POU6F2: variants seen among roughly 807,000 people sequenced by gnomAD.
POU6F2 encodes the protein POU class 6 homeobox 2.
In POU6F2, 31 loss-of-function variants were observed where a neutral mutation model predicts 71.3. The observed-to-expected ratio is 0.43, with a 90% CI of 0.33 to 0.59. The LOEUF is 0.59. Among genes scored for constraint, POU6F2 ranks in the 20% least tolerant of loss-of-function variants. The pLI is 0.04. For synonymous variants in POU6F2, 347 were observed against 355.7 expected, an observed-to-expected ratio of 0.98 and a Z score of 0.27; for missense variants, 783 against 856.8, an observed-to-expected ratio of 0.91 and a Z score of 1.07.
intron 2 of POU6F2, among the ~76,000 whole-genome samples, chr7:39,094,003 T>G (rs1197707905): frequency 1.3e-5 from 2 of 152,136 alleles, no homozygotes; most frequent in African/African-American, 2.4e-5. Flanking sequence ...ATAATAAGCT[T>G]TCTTTTAGTT....
At chr7:39,005,506 G>GTGTGTGTGTGTGTGTGTGTGTC (rs1051897604) in intron 1 of POU6F2, among the ~76,000 whole-genome samples, 2 of 151,718 alleles carry the variant, frequency 1.3e-5, no homozygotes, top group Non-Finnish European at 2.9e-5. Flanking sequence ...GTGTGTGTGT[G>GTGTGTGTGTGTGTGTGTGTGTC]TGTGTGTGTT....
chr7:39,037,205 T>C (rs1158996691), intron 1 of POU6F2, among the ~76,000 whole-genome samples: 1 of 152,046 alleles, frequency 6.6e-6, no homozygotes, highest in African/African-American at 2.4e-5. Context: ...GAAAAACCCT[T>C]AATCTCCAAA....
At chr7:39,440,893 A>T (rs1342990017) in intron 7 of POU6F2, among the ~76,000 whole-genome samples, 1 of 137,784 alleles carries the variant, frequency 7.3e-6, no homozygotes, top group African/African-American at 2.8e-5. Context: ...GTTGATGATG[A>T]TGATGTTGTT....
intron 4 of POU6F2, among the ~76,000 whole-genome samples, chr7:39,323,862 A>C (rs1028342273): frequency 2.0e-5 from 3 of 152,080 alleles, no homozygotes; most frequent in African/African-American, 4.8e-5. Context: ...TAATCCTAGC[A>C]CTTTGGGAGG....
At chr7:39,313,579 C>T (rs1025733698) in intron 4 of POU6F2, among the ~76,000 whole-genome samples, 2 of 152,086 alleles carry the variant, frequency 1.3e-5, no homozygotes, top group African/African-American at 4.8e-5. Context: ...ATAAATAAAT[C>T]AGGGTCTAAG....
intron 1 of POU6F2, among the ~76,000 whole-genome samples, chr7:39,000,563 ACAC>A (rs1562662089): frequency 5.2e-5 from 5 of 95,702 alleles, no homozygotes; most frequent in Non-Finnish European, 1.1e-4. Context: ...ACACACACAC[ACAC>A]CCTCCCAACT....
intron 2 of POU6F2, among the ~76,000 whole-genome samples, chr7:39,096,129 A>T (rs1791450392): frequency 6.6e-6 from 1 of 152,286 alleles, no homozygotes; most frequent in South Asian, 2.1e-4. Flanking sequence ...CTGCACGGAG[A>T]GCTCAGTCCT....
chr7:39,011,955 C>T (rs1181000579), intron 1 of POU6F2, among the ~76,000 whole-genome samples: 2 of 152,078 alleles, frequency 1.3e-5, no homozygotes, highest in South Asian at 2.1e-4. Flanking sequence ...CTGCCCTTAA[C>T]ATTTTTTCCT....
intron 4 of POU6F2, among the ~76,000 whole-genome samples, chr7:39,270,503 GTTA>G (rs1784322056): frequency 6.6e-6 from 1 of 152,168 alleles, no homozygotes; most frequent in South Asian, 2.1e-4. Context: ...AATGGCAGTT[GTTA>G]TTATTGTTAT....
chr7:39,107,039 C>CTTTTTTTTTTTTTTTTTTT (rs70977458), intron 2 of POU6F2, among the ~76,000 whole-genome samples: 2 of 130,910 alleles, frequency 1.5e-5, no homozygotes, highest in African/African-American at 2.8e-5. Context: ...TTCTTTCTTT[C>CTTTTTTTTTTTTTTTTTTT]TTTTTTTTTT....
At chr7:39,386,133 AAAG>A (rs1351423699) in intron 5 of POU6F2, among the ~76,000 whole-genome samples, 1 of 151,610 alleles carries the variant, frequency 6.6e-6, no homozygotes, top group Non-Finnish European at 1.5e-5. Context: ...AAAAAAAAAA[AAAG>A]AACCAACTTA....
At chr7:39,211,283 G>C (rs1050422221) in intron 4 of POU6F2, among the ~76,000 whole-genome samples, 1 of 152,130 alleles carries the variant, frequency 6.6e-6, no homozygotes, top group African/African-American at 2.4e-5. Context: ...TATGACAATG[G>C]ATGACCCACA....
At chr7:39,263,652 T>C (rs568985176) in intron 4 of POU6F2, among the ~76,000 whole-genome samples, 540 of 130,948 alleles carry the variant, frequency 4.1e-3, no homozygotes, top group African/African-American at 0.014. Context: ...TGTGTGTGCA[T>C]GCGTGTTCAC....
intron 2 of POU6F2, among the ~76,000 whole-genome samples, chr7:39,202,381 C>T (rs1207215824): frequency 2.0e-5 from 3 of 152,158 alleles, no homozygotes; most frequent in Admixed American, 6.5e-5. Flanking sequence ...TTCTATTTTT[C>T]TGTGCATTGT....
intron 4 of POU6F2, among the ~76,000 whole-genome samples, chr7:39,286,236 TCAAAGA>T (rs1784647968): frequency 6.6e-6 from 1 of 152,140 alleles, no homozygotes; most frequent in Non-Finnish European, 1.5e-5. Flanking sequence ...TTACATAGAT[TCAAAGA>T]CTCTAGAGCT....
intron 1 of POU6F2, among the ~76,000 whole-genome samples, chr7:38,999,059 G>A (rs751951818): frequency 5.9e-5 from 9 of 152,120 alleles, no homozygotes; most frequent in South Asian, 2.1e-4. Flanking sequence ...CAACAGTGGA[G>A]AACATAGCAA....
intron 1 of POU6F2, among the ~76,000 whole-genome samples, chr7:38,982,746 G>A (rs937734747): frequency 3.9e-5 from 6 of 152,030 alleles, no homozygotes; most frequent in Non-Finnish European, 5.9e-5. Context: ...GTCAATTAAT[G>A]AAACTCTCTG....
At chr7:39,056,424 G>A (rs532533487) in intron 1 of POU6F2, among the ~76,000 whole-genome samples, 3 of 151,698 alleles carry the variant, frequency 2.0e-5, no homozygotes, top group East Asian at 1.9e-4. Context: ...CAATATATTC[G>A]AACATAATGC....
intron 2 of POU6F2, among the ~76,000 whole-genome samples, chr7:39,150,608 A>G (rs1196476289): frequency 6.6e-6 from 1 of 151,212 alleles, no homozygotes; most frequent in East Asian, 2.0e-4. Flanking sequence ...CTGGGATTAC[A>G]GGCGCCCACC....
Sources: gnomAD v4.1 joint callset for allele counts (sites outside exome capture counted in the v4.1 genomes callset) on GRCh38, gnomAD v4.1.1 for gene constraint, MANE v1.5 for transcripts, NCBI Gene and HGNC (gene_info 2026-07-23, HGNC 2026-07-21) for gene names.